The following CACNA2D2 variants were observed in gnomAD, a reference collection of about 807,000 sequenced individuals.
CACNA2D2 encodes calcium voltage-gated channel auxiliary subunit alpha2delta 2.
CACNA2D2 carries 48 observed loss-of-function variants against 166.4 expected under a neutral mutation model. The observed-to-expected ratio is 0.29, with a 90% CI of 0.23 to 0.37. The LOEUF is 0.37. CACNA2D2 is among the 10% of genes least tolerant of loss of function. CACNA2D2 has a pLI of 1.00. For missense variants in CACNA2D2, 1,122 were observed against 1,433.0 expected, an observed-to-expected ratio of 0.78 and a Z score of 3.50; for synonymous variants, 561 against 573.7, an observed-to-expected ratio of 0.98 and a Z score of 0.32.
intron 3 of CACNA2D2, among the ~76,000 whole-genome samples, chr3:50,409,286 G>A (rs1264151233): frequency 6.6e-6 from 1 of 152,250 alleles, no homozygotes; most frequent in Non-Finnish European, 1.5e-5. Flanking sequence ...ACAACACCCT[G>A]GAAGTGGAGT....
At chr3:50,404,394 C>T (rs1706591432) in intron 3 of CACNA2D2, among the ~76,000 whole-genome samples, 1 of 152,176 alleles carries the variant, frequency 6.6e-6, no homozygotes, top group Non-Finnish European at 1.5e-5. Flanking sequence ...TCAGTAATAA[C>T]ATGGTTATTA....
chr3:50,385,986 G>C (rs377726503), intron 5 of CACNA2D2, among the ~76,000 whole-genome samples: 1 of 151,012 alleles, frequency 6.6e-6, no homozygotes, highest in African/African-American at 2.4e-5. Flanking sequence ...CCCACCTTCT[G>C]GCTGGTAATT....
chr3:50,364,824 G>T lies in CACNA2D2; in HGVS notation c.3292-18C>A. On this transcript the variant is annotated intron_variant, in intron 37 of 37. Transcript: ENST00000424201. ...GTATCTTCCTGCGGGGAGAGACAAG[G>T]AGCTGGTCGGCCTGGGCGGGCGCAA... is the stretch of plus-strand genomic sequence containing the variant. The T allele has an allele frequency of 6.2e-7, 1 of 1,612,908 alleles. No homozygotes were observed. Among genetic ancestry groups the T allele is most frequent in the Non-Finnish European group, 8.5e-7 (1 of 1,179,808 alleles).
intron 1 of CACNA2D2, among the ~76,000 whole-genome samples, chr3:50,493,190 T>A (rs762947062): frequency 6.6e-6 from 1 of 152,152 alleles, no homozygotes; most frequent in Non-Finnish European, 1.5e-5. Flanking sequence ...CCATCCTCCA[T>A]CACTCCCTGC....
intron 2 of CACNA2D2, among the ~76,000 whole-genome samples, chr3:50,447,201 A>C (rs1184222263): frequency 6.6e-6 from 1 of 152,142 alleles, no homozygotes; most frequent in Non-Finnish European, 1.5e-5. Flanking sequence ...CTCACCGGGA[A>C]CTCACTGCCT....
At chr3:50,486,779 C>T (rs1698300920) in intron 1 of CACNA2D2, among the ~76,000 whole-genome samples, 1 of 152,228 alleles carries the variant, frequency 6.6e-6, no homozygotes, top group Non-Finnish European at 1.5e-5. Context: ...AAGCTTCCTA[C>T]AGAGCTTAGC....
At chr3:50,496,427 C>T (rs1698727825) in intron 1 of CACNA2D2, among the ~76,000 whole-genome samples, 1 of 152,164 alleles carries the variant, frequency 6.6e-6, no homozygotes, top group Admixed American at 6.5e-5. Flanking sequence ...CAGGTGTAGA[C>T]ACGCCCACAT....
In CACNA2D2 at chr3:50,434,448, CA is replaced by C. The variant is rs944987268; in HGVS notation, c.289-20del. 4 of 1,593,412 alleles carry C rather than the reference CA, an allele frequency of 2.5e-6. No individual in the cohort carries two copies. Among genetic ancestry groups the C allele is most frequent in the African/African-American group, 1.3e-5 (1 of 74,614 alleles). Reference sequence around the variant, plus strand: ...TGTAAATCTGGAAGGAAGCAGAAGCCAGGGGTGAGACCAGGTGGTCCCACGT... The same window carrying C: ...TGTAAATCTGGAAGGAAGCAGAAGCCGGGGTGAGACCAGGTGGTCCCACGT... On this transcript the variant is annotated intron_variant, in intron 2 of 37. Coordinates refer to ENST00000424201, the MANE Select transcript of CACNA2D2 (RefSeq NM_006030.4).
chr3:50,414,119 T>C (rs1011664739), intron 3 of CACNA2D2, among the ~76,000 whole-genome samples: 5 of 152,108 alleles, frequency 3.3e-5, no homozygotes, highest in Non-Finnish European at 7.4e-5. Context: ...CTGAGGCCCA[T>C]GCAGCACAGC....
chr3:50,395,795 C>T (rs1366887171), intron 3 of CACNA2D2, among the ~76,000 whole-genome samples: 1 of 152,182 alleles, frequency 6.6e-6, no homozygotes, highest in African/African-American at 2.4e-5. Context: ...AGGGGCTGTC[C>T]AGGGCCATCT....
In CACNA2D2 at chr3:50,367,176, C is replaced by G. The variant is rs749620084; in HGVS notation, c.2402-67G>C. 16 of 1,261,840 alleles carry G rather than the reference C, an allele frequency of 1.3e-5. No homozygotes were observed. The South Asian group carries it at 1.6e-4, about 13-fold the overall frequency. 78.2% of individuals were successfully genotyped at this position (1,261,840 alleles called of 1,614,324 possible). On this transcript the variant is annotated intron_variant, in intron 27 of 37. Coordinates refer to ENST00000424201, the MANE Select transcript of CACNA2D2 (RefSeq NM_006030.4). This position sits in a 1 kb window ranked among gnomAD's most constrained non-coding sequence, Gnocchi z 6.5. ...CACACTGACCACTCTATGCTGGGTC[C>G]TACAAACCCAGCAGTCCAATCCCGG...
At chr3:50,412,688 A>T (rs1403469228) in intron 3 of CACNA2D2, among the ~76,000 whole-genome samples, 1 of 152,030 alleles carries the variant, frequency 6.6e-6, no homozygotes, top group Non-Finnish European at 1.5e-5. Flanking sequence ...TTTCTATTTT[A>T]TTTTTTTAGC....
rs150585955 is a variant in CACNA2D2 at position 50,368,195 on chromosome 3, C to T, written c.2086G>A (p.Glu696Lys). The T allele has an allele frequency of 5.6e-6, 9 of 1,613,746 alleles. No homozygotes were observed. Among genetic ancestry groups the T allele is most frequent in the African/African-American group, 5.3e-5 (4 of 74,910 alleles). Reference protein sequence around the residue: ...KDLNASDNNTEFLKNFIELME... With the variant: ...KDLNASDNNTKFLKNFIELME... ...AGCTCAATAAAGTTTTTCAGGAACT[C>T]GGTGTTGTTGTCTGAGGCATTCAGG... Residue 696 changes from glutamate to lysine, a missense_variant, in exon 24 of 38, where the codon GAG becomes AAG. Transcript: ENST00000424201.
At chr3:50,423,576 T>C (rs1336577470) in intron 3 of CACNA2D2, among the ~76,000 whole-genome samples, 1 of 152,236 alleles carries the variant, frequency 6.6e-6, no homozygotes, top group Non-Finnish European at 1.5e-5. Flanking sequence ...ACCAACCCTG[T>C]CCAGGGAGGG....
intron 2 of CACNA2D2, among the ~76,000 whole-genome samples, chr3:50,450,258 C>T (rs1291501941): frequency 2.6e-5 from 4 of 152,104 alleles, no homozygotes; most frequent in African/African-American, 4.8e-5. Context: ...TGAGGGCCCT[C>T]GGGTCAGGTG....
At position 50,374,646 on chromosome 3, in the gene CACNA2D2, C is replaced by T. The variant is rs587618940; in HGVS notation, c.1984+91G>A. 1.6e-3 allele frequency: 2,354 copies of T among 1,447,794 alleles called. 4 individuals carry two copies. The highest frequency in any genetic ancestry group is 2.0e-3 in the Non-Finnish European group (2,145 of 1,060,522). The allele number at this position is 1,447,794 out of a possible 1,614,324, so 89.7% of individuals were successfully genotyped here. On this transcript the variant is annotated intron_variant, in intron 22 of 37. Coordinates refer to ENST00000424201, the MANE Select transcript of CACNA2D2 (RefSeq NM_006030.4). The stretch of plus-strand genomic sequence containing the variant: ...GACTGGGCAGGAGGGACTGCCTCGC[C>T]GGCAAGCGGCGCTGGCTATGCTGCC...
intron 23 of CACNA2D2, among the ~76,000 whole-genome samples, chr3:50,370,030 A>G (rs1462985072): frequency 6.6e-6 from 1 of 152,226 alleles, no homozygotes; most frequent in Non-Finnish European, 1.5e-5. Context: ...CAGGGCGGAA[A>G]GGGCTCCTGC....
chr3:50,468,270 C>CT (rs1180420478), intron 2 of CACNA2D2, among the ~76,000 whole-genome samples: 4 of 152,176 alleles, frequency 2.6e-5, no homozygotes, highest in Admixed American at 1.3e-4. Flanking sequence ...CAGACCCTGG[C>CT]TACTCTTCAA....
chr3:50,379,455 A>G lies in CACNA2D2; in HGVS notation c.1129T>C (p.Tyr377His), dbSNP rs1705182001. 1 of 1,613,678 alleles carries G rather than the reference A, an allele frequency of 6.2e-7. No homozygotes were observed. Among genetic ancestry groups the G allele is most frequent in the African/African-American group, 1.3e-5 (1 of 74,914 alleles). Residue 377 changes from tyrosine (Y) to histidine (H), a missense_variant, in exon 11 of 38, where the codon TAT (tyrosine) becomes CAT (histidine). This residue lies in a region of CACNA2D2 where 840 missense variants were observed against 1,166.8 expected (regional missense o/e 0.72). Transcript: ENST00000424201. The surrounding 1 kb of genome is among the most constrained non-coding windows in gnomAD (Gnocchi z 6.5). ...ACGTTCTGCAGCTGGTCAAAGGCATACTCAAAGCCGGCCTTGTAGCCTGTG... is the reference window on the plus strand; with the variant it reads ...ACGTTCTGCAGCTGGTCAAAGGCATGCTCAAAGCCGGCCTTGTAGCCTGTG... Reference protein sequence around the residue: ...GTTGYKAGFEYAFDQLQNSNI... With the variant: ...GTTGYKAGFEHAFDQLQNSNI...
Sources: gnomAD v4.1 joint callset for allele counts (sites outside exome capture counted in the v4.1 genomes callset) on GRCh38, gnomAD v4.1.1 for gene constraint, gnomAD v4.1.1 regional missense constraint, Gnocchi (gnomAD v3.1) non-coding constraint, MANE v1.5 for transcripts, NCBI Gene and HGNC (gene_info 2026-07-23, HGNC 2026-07-21) for gene names.